The following TRAPPC9 variants were observed in gnomAD, a reference collection of about 807,000 sequenced individuals.
The protein encoded by TRAPPC9 is trafficking protein particle complex subunit 9, also known as IKK2 binding protein.
Under a neutral mutation model 124.0 loss-of-function variants are expected in TRAPPC9, and 83 were observed. The observed-to-expected ratio is 0.67, with a 90% CI of 0.56 to 0.80. The LOEUF (loss-of-function observed/expected upper bound fraction) is 0.80, where lower values mean the gene tolerates loss of function less well. TRAPPC9 is among the 30% of genes least tolerant of loss of function. The pLI is 0.00. For synonymous variants in TRAPPC9, 638 were observed against 617.5 expected, an observed-to-expected ratio of 1.03 and a Z score of -0.49; for missense variants, 1,302 against 1,508.3, an observed-to-expected ratio of 0.86 and a Z score of 2.27.
At chr8:139,967,417 G>T (rs1439173774) in intron 19 of TRAPPC9, among the ~76,000 whole-genome samples, 3 of 152,238 alleles carry the variant, frequency 2.0e-5, no homozygotes, top group Non-Finnish European at 4.4e-5. Flanking sequence ...AACTTATCCT[G>T]CACAGAATGA....
chr8:139,888,278 G>A (rs1830135433), intron 20 of TRAPPC9, among the ~76,000 whole-genome samples: 1 of 152,210 alleles, frequency 6.6e-6, no homozygotes, highest in South Asian at 2.1e-4. Context: ...GCCGAAAAGG[G>A]CAGGTTCTGG....
intron 21 of TRAPPC9, among the ~76,000 whole-genome samples, chr8:139,741,709 A>G (rs928583830): frequency 6.6e-6 from 1 of 151,898 alleles, no homozygotes; most frequent in Non-Finnish European, 1.5e-5. Flanking sequence ...TGGGCAACCC[A>G]GTAATCTCCT....
intron 21 of TRAPPC9, among the ~76,000 whole-genome samples, chr8:139,858,778 G>A (rs1468436600): frequency 2.6e-5 from 4 of 151,914 alleles, no homozygotes; most frequent in Admixed American, 6.6e-5. Flanking sequence ...CGGTTTTGCC[G>A]AGGCCAGAGC....
intron 19 of TRAPPC9, among the ~76,000 whole-genome samples, chr8:139,918,827 C>T (rs560510294): frequency 2.1e-4 from 32 of 152,330 alleles, no homozygotes; most frequent in South Asian, 1.4e-3. Context: ...CCTCTCCAAA[C>T]GGCAGAAGGC....
chr8:140,327,087 T>C (rs1390594403), intron 9 of TRAPPC9, among the ~76,000 whole-genome samples: 1 of 152,084 alleles, frequency 6.6e-6, no homozygotes, highest in East Asian at 1.9e-4. Flanking sequence ...ACCCCGTCTC[T>C]ACTAAAAATA....
intron 16 of TRAPPC9, among the ~76,000 whole-genome samples, chr8:140,243,648 C>A (rs2063914522): frequency 6.6e-6 from 1 of 152,200 alleles, no homozygotes; most frequent in Admixed American, 6.5e-5. Flanking sequence ...CTTAAAGGAC[C>A]AGGTTTGCCG....
chr8:140,409,936 A>C (rs1030968429), intron 5 of TRAPPC9, among the ~76,000 whole-genome samples: 1 of 152,126 alleles, frequency 6.6e-6, no homozygotes, highest in Non-Finnish European at 1.5e-5. Context: ...CAAGAGTTCA[A>C]GACTAGCCTG....
intron 17 of TRAPPC9, among the ~76,000 whole-genome samples, chr8:140,042,205 A>ATGTGTGTG (rs57584807): frequency 1.3e-5 from 2 of 149,498 alleles, no homozygotes; most frequent in South Asian, 2.1e-4. Context: ...AAAAAAGTGT[A>ATGTGTGTG]TGTGTGTGTG....
intron 7 of TRAPPC9, among the ~76,000 whole-genome samples, chr8:140,388,030 A>C (rs1450069325): frequency 1.3e-5 from 2 of 152,012 alleles, no homozygotes; most frequent in Non-Finnish European, 2.9e-5. Flanking sequence ...ACACCATGGA[A>C]TACTATGCAG....
intron 5 of TRAPPC9, among the ~76,000 whole-genome samples, chr8:140,420,644 T>C (rs2070168652): frequency 6.6e-6 from 1 of 152,164 alleles, no homozygotes; most frequent in Admixed American, 6.6e-5. Context: ...GGGGTACATG[T>C]GCAGGTTTGT....
chr8:140,217,063 T>C (rs1256442023), intron 17 of TRAPPC9, among the ~76,000 whole-genome samples: 1 of 152,102 alleles, frequency 6.6e-6, no homozygotes, highest in Non-Finnish European at 1.5e-5. Context: ...CTGAAATCCA[T>C]CACTGTGTCC....
intron 21 of TRAPPC9, among the ~76,000 whole-genome samples, chr8:139,818,761 T>C (rs1331775914): frequency 6.6e-6 from 1 of 152,206 alleles, no homozygotes; most frequent in Non-Finnish European, 1.5e-5. Context: ...TTCCTGACAA[T>C]GTGAGCTGTC....
intron 19 of TRAPPC9, among the ~76,000 whole-genome samples, chr8:139,963,117 T>C (rs933907606): frequency 4.6e-5 from 7 of 152,216 alleles, no homozygotes; most frequent in African/African-American, 7.2e-5. Flanking sequence ...GACTACATGA[T>C]ATTTAATGTG....
chr8:139,991,725 T>C (rs1487913951), intron 18 of TRAPPC9, among the ~76,000 whole-genome samples: 1 of 152,072 alleles, frequency 6.6e-6, no homozygotes, highest in Non-Finnish European at 1.5e-5. Context: ...GGGAACAAAG[T>C]CCTGGCAGCA....
chr8:139,874,812 C>A (rs1376304920), intron 21 of TRAPPC9, among the ~76,000 whole-genome samples: 1 of 152,166 alleles, frequency 6.6e-6, no homozygotes, highest in Non-Finnish European at 1.5e-5. Flanking sequence ...GGTAGGAGAA[C>A]AACAAGCATG....
intron 9 of TRAPPC9, among the ~76,000 whole-genome samples, chr8:140,321,636 G>A (rs1022930906): frequency 2.0e-5 from 3 of 152,164 alleles, no homozygotes; most frequent in African/African-American, 4.8e-5. Context: ...GGCAGAGAAC[G>A]GGGGAAGGAG....
At chr8:139,875,850 A>G (rs1281561495) in intron 21 of TRAPPC9, among the ~76,000 whole-genome samples, 1 of 152,232 alleles carries the variant, frequency 6.6e-6, no homozygotes, top group Non-Finnish European at 1.5e-5. Flanking sequence ...GGCCTGGAGC[A>G]GATGTTTGGA....
chr8:140,011,415 G>A (rs994673732), intron 18 of TRAPPC9, among the ~76,000 whole-genome samples: 11 of 151,110 alleles, frequency 7.3e-5, no homozygotes, highest in African/African-American at 2.7e-4. Flanking sequence ...GGAAAAATTT[G>A]TGTCAAATTT....
chr8:140,011,366 AGT>A (rs1839106146), intron 18 of TRAPPC9, among the ~76,000 whole-genome samples: 2 of 151,708 alleles, frequency 1.3e-5, no homozygotes, highest in African/African-American at 2.4e-5. Context: ...TAAAAATAAT[AGT>A]AACAATATTA....
Sources: gnomAD v4.1 joint callset for allele counts (sites outside exome capture counted in the v4.1 genomes callset) on GRCh38, gnomAD v4.1.1 for gene constraint, MANE v1.5 for transcripts, NCBI Gene and HGNC (gene_info 2026-07-23, HGNC 2026-07-21) for gene names.